The following CASK variants were observed in gnomAD, a reference collection of about 807,000 sequenced individuals.
The protein encoded by CASK is calcium/calmodulin dependent serine protein kinase.
In CASK, 4 loss-of-function variants were observed where a neutral mutation model predicts 82.9. The observed-to-expected ratio is 0.05, with a 90% CI of 0.02 to 0.11. CASK has a LOEUF of 0.11. Among genes scored for constraint, CASK ranks in the 10% least tolerant of loss-of-function variants. The pLI, the probability that CASK is intolerant of heterozygous loss-of-function variation, is 1.00. For missense variants in CASK, 358 were observed against 720.9 expected (o/e 0.50, Z 5.76); for synonymous variants, 259 against 253.5 (o/e 1.02, Z -0.20).
intron 21 of CASK, among the ~76,000 whole-genome samples, chrX:41,550,393 G>A (rs1477435056): frequency 1.8e-5 from 2 of 110,828 alleles, no homozygotes; most frequent in Non-Finnish European, 3.8e-5. Context: ...GCATTCCATT[G>A]TATGGCTATA....
chrX:41,573,856 C>T (rs960842148), intron 15 of CASK, among the ~76,000 whole-genome samples: 2 of 111,660 alleles, frequency 1.8e-5, no homozygotes, highest in African/African-American at 6.5e-5. Context: ...CGTTCATGAT[C>T]CATTAGGCAG....
intron 15 of CASK, among the ~76,000 whole-genome samples, chrX:41,570,010 C>CTTTTTTTTTTTTTTTTTTTT (rs397937722): frequency 7.1e-5 from 5 of 70,629 alleles, no homozygotes; most frequent in Non-Finnish European, 1.1e-4. Flanking sequence ...TTTCTTTTTT[C>CTTTTTTTTTTTTTTTTTTTT]TTTTTTTTTT....
At chrX:41,688,313 C>G (rs1055242302) in intron 5 of CASK, among the ~76,000 whole-genome samples, 1 of 111,604 alleles carries the variant, frequency 9.0e-6, no homozygotes, top group African/African-American at 3.3e-5. Flanking sequence ...TAAAAACTAA[C>G]TTCTTCATTT....
rs193169527 is a variant in CASK, at chrX:41,580,860, C to T, written c.1315-2332G>A. 2.3e-3 allele frequency among the ~76,000 whole-genome samples: 253 copies of T among 112,041 alleles called. 2 individuals are homozygous for T. Among genetic ancestry groups the T allele is most frequent in the Middle Eastern group, 4.7e-3 (1 of 215 alleles). On this transcript the variant is annotated intron_variant, in intron 14 of 26. Coordinates refer to ENST00000378163, the MANE Select transcript of CASK (RefSeq NM_001367721.1). ...CTGTCAGTTTTAACTACGTAACAATCGTGTAATAGGAAAAAAACACTTTCA... is the reference window on the plus strand; with the variant it reads ...CTGTCAGTTTTAACTACGTAACAATTGTGTAATAGGAAAAAAACACTTTCA...
At chrX:41,655,697 G>T (rs1370754923) in intron 8 of CASK, among the ~76,000 whole-genome samples, 1 of 111,508 alleles carries the variant, frequency 9.0e-6, no homozygotes, top group Non-Finnish European at 1.9e-5. Flanking sequence ...ACAGGGCCCC[G>T]TGAACAGCTC....
chrX:41,775,603 C>G (rs1446858727), intron 3 of CASK, among the ~76,000 whole-genome samples: 1 of 99,468 alleles, frequency 1.0e-5, no homozygotes, highest in African/African-American at 3.6e-5. Context: ...TACTGCGGCA[C>G]TATTCCCAAT....
rs750292798 is a variant in CASK at position 41,759,314 on chromosome X, T to C, written c.279-13713A>G. Among the ~76,000 whole-genome samples the C allele has an allele frequency of 2.7e-5, 3 of 111,715 alleles. No homozygotes were observed. In the South Asian group the frequency reaches 1.1e-3, roughly 42 times the overall value. ...TTAAAAATCTTTCTTTTCCCTGTTA[T>C]ATTTACTGAACTTTATTGTATATAC... On this transcript the variant is annotated intron_variant, in intron 3 of 26. Coordinates refer to ENST00000378163, the MANE Select transcript of CASK (RefSeq NM_001367721.1).
At chrX:41,874,441 T>C (rs1207403955) in intron 1 of CASK, among the ~76,000 whole-genome samples, 1 of 112,162 alleles carries the variant, frequency 8.9e-6, no homozygotes, top group Non-Finnish European at 1.9e-5. Flanking sequence ...CTTCTGTTCG[T>C]GTATTAGTTT....
At chrX:41,852,280 A>G (rs2071279831) in intron 2 of CASK, among the ~76,000 whole-genome samples, 1 of 111,603 alleles carries the variant, frequency 9.0e-6, no homozygotes, top group Admixed American at 9.5e-5. Flanking sequence ...ACTGGATAAA[A>G]TATAAATAGG....
intron 1 of CASK, among the ~76,000 whole-genome samples, chrX:41,904,841 T>TA (rs1439334378): frequency 1.8e-5 from 2 of 111,411 alleles, no homozygotes; most frequent in African/African-American, 6.5e-5. Flanking sequence ...GAACATGTGG[T>TA]ATTTGGTTTT....
At chrX:41,824,443 C>G (rs1226642679) in intron 2 of CASK, among the ~76,000 whole-genome samples, 1 of 112,321 alleles carries the variant, frequency 8.9e-6, no homozygotes, top group Non-Finnish European at 1.9e-5. Context: ...TGGAGGGGCA[C>G]TGGAGGAGAA....
At chrX:41,863,597 T>G (rs1249526004) in intron 1 of CASK, among the ~76,000 whole-genome samples, 1 of 112,675 alleles carries the variant, frequency 8.9e-6, no homozygotes, top group East Asian at 2.8e-4. Flanking sequence ...ACCATAACTT[T>G]CATTTTTATG....
At chrX:41,708,252 A>T (rs1003477061) in intron 5 of CASK, among the ~76,000 whole-genome samples, 8 of 112,047 alleles carry the variant, frequency 7.1e-5, no homozygotes, top group African/African-American at 2.6e-4. Context: ...AGGTGAAAAT[A>T]CTTTAAATTA....
Position 41,517,215 on chromosome X carries a change from T to C in CASK, c.*3205A>G, listed in dbSNP as rs2064563759. 1 of 113,422 alleles carries C rather than the reference T, an allele frequency of 8.8e-6. No homozygotes were observed. The highest frequency in any genetic ancestry group is 1.9e-5 in the Non-Finnish European group (1 of 54,053). 9.3% of individuals were successfully genotyped at this position (113,422 alleles called of 1,213,427 possible). ...TGCATTTCTACTGCAGTGGGGGACTTTGCGACATCTTTAGATATTCTGCCA... is the reference window on the plus strand; with the variant it reads ...TGCATTTCTACTGCAGTGGGGGACTCTGCGACATCTTTAGATATTCTGCCA... On this transcript the variant is annotated 3_prime_UTR_variant, in exon 27 of 27. Coordinates refer to ENST00000378163, the MANE Select transcript of CASK (RefSeq NM_001367721.1).
In CASK at chrX:41,674,911, T is replaced by C. The variant is rs140959943; in HGVS notation, c.430-3381A>G. 6.4e-3 allele frequency among the ~76,000 whole-genome samples: 708 copies of C among 109,902 alleles called. 11 individuals are homozygous for C. The highest frequency in any genetic ancestry group is 0.023 in the African/African-American group (679 of 30,115). Reference sequence around the variant, plus strand: ...TATGCTTGGATTGTTATACAGCACATGCATGTTAGGCAAGTATCAAAAAAA... The same window carrying C: ...TATGCTTGGATTGTTATACAGCACACGCATGTTAGGCAAGTATCAAAAAAA... On this transcript the variant is annotated intron_variant, in intron 5 of 26. Coordinates refer to ENST00000378163, the MANE Select transcript of CASK (RefSeq NM_001367721.1).
intron 1 of CASK, among the ~76,000 whole-genome samples, chrX:41,854,255 C>G (rs2071331641): frequency 9.1e-6 from 1 of 110,196 alleles, no homozygotes; most frequent in South Asian, 3.9e-4. Flanking sequence ...CACACACACA[C>G]ACACACACAC....
rs140462538 is a variant in CASK at position 41,837,369 on chromosome X, C to T, written c.172+15746G>A. Among the ~76,000 whole-genome samples the T allele has an allele frequency of 1.3e-3, 144 of 111,318 alleles. No individual in the cohort carries two copies. In the Middle Eastern group the frequency reaches 0.028, roughly 21 times the overall value. On this transcript the variant is annotated intron_variant, in intron 2 of 26. Coordinates refer to ENST00000378163, the MANE Select transcript of CASK (RefSeq NM_001367721.1). ...TATGTGCACAGCTATTCAATTTTAT[C>T]GCCATGTGTAAATTCAAGTAGTCAC...
At chrX:41,639,483 A>G (rs2147378593) in intron 8 of CASK, among the ~76,000 whole-genome samples, 1 of 109,379 alleles carries the variant, frequency 9.1e-6, no homozygotes, top group Non-Finnish European at 1.9e-5. Context: ...AGGCTTTTAC[A>G]GTAATCCAGG....
At chrX:41,784,620 G>A (rs1184679080) in intron 3 of CASK, among the ~76,000 whole-genome samples, 1 of 112,035 alleles carries the variant, frequency 8.9e-6, no homozygotes, top group Admixed American at 9.5e-5. Context: ...GCTCATGCCT[G>A]TAATCCCAGC....
Sources: allele counts gnomAD v4.1 joint callset (sites outside exome capture counted in the v4.1 genomes callset), GRCh38; gene constraint gnomAD v4.1.1; transcripts MANE v1.5; gene names NCBI Gene and HGNC (gene_info 2026-07-23, HGNC 2026-07-21).